Variants in TNRC18 observed in about 807,000 individuals in gnomAD.
The protein encoded by TNRC18 is trinucleotide repeat-containing gene 18 protein.
TNRC18 carries 69 observed loss-of-function variants against 226.7 expected under a neutral mutation model. The ratio of observed to expected loss-of-function variants is 0.30; its 90% CI spans 0.25 to 0.37. The LOEUF (loss-of-function observed/expected upper bound fraction) is 0.37, where lower values mean the gene tolerates loss of function less well. TNRC18 is among the 10% of genes least tolerant of loss of function. The pLI is 1.00. For missense variants in TNRC18, 4,754 were observed against 4,256.6 expected, an observed-to-expected ratio of 1.12 and a Z score of -3.25; for synonymous variants, 2,449 against 1,927.6, an observed-to-expected ratio of 1.27 and a Z score of -7.09.
intron 11 of TNRC18, among the ~76,000 whole-genome samples, chr7:5,365,133 A>G (rs1793488977): frequency 6.6e-6 from 1 of 152,108 alleles, no homozygotes; most frequent in Admixed American, 6.6e-5. Context: ...TGTCTTTTCA[A>G]GATAGGGTCT....
chr7:5,381,525 T>G (rs1779394793), intron 5 of TNRC18, among the ~76,000 whole-genome samples: 1 of 152,114 alleles, frequency 6.6e-6, no homozygotes, highest in Non-Finnish European at 1.5e-5. Context: ...ACACAGCTAT[T>G]CTGCTTATTG....
In TNRC18 at chr7:5,332,697, G is replaced by A. The variant is rs1394461292; in HGVS notation, c.6072C>T (p.Ser2024=). The part of the protein sequence containing the change: ...PVSTAPATKT[S]RCAKGGPLSP... ...TCAGGGGGCCGCCCTTGGCGCAGCG[G>A]CTGGTCTTGGTGGCGGGCGCGGTGC... is the stretch of plus-strand genomic sequence containing the variant. The change falls in exon 19 of 30, where the codon AGC becomes AGT. Residue 2024 remains serine, a synonymous_variant. Transcript: ENST00000430969. The A allele has an allele frequency of 1.3e-6, 2 of 1,530,984 alleles. No homozygotes were observed. Among genetic ancestry groups the A allele is most frequent in the East Asian group, 2.5e-5 (1 of 39,652 alleles). The allele number at this position is 1,530,984 out of a possible 1,614,324, so 94.8% of individuals were successfully genotyped here. A position where few individuals can be genotyped will look rare whatever the true frequency, so the allele number is the denominator to read the frequency against.
chr7:5,374,481 C>A lies in TNRC18; in HGVS notation c.2803G>T (p.Glu935Ter). The A allele has an allele frequency of 6.5e-7, 1 of 1,546,164 alleles. No homozygotes were observed. ...ELQRSAQLVQERLKAQEHRAE... is the reference protein window; with the variant it reads ...ELQRSAQLVQ ...CGGTGCTCCTGCGCCTTCAACCGCT[C>A]CTGCTGGGAAGGGGCCGGCAGGCAG... Residue 935 changes from glutamate to a stop codon, truncating the protein, a stop_gained, in exon 10 of 30, where the codon GAG becomes TAG. Coordinates refer to ENST00000430969, the MANE Select transcript of TNRC18 (RefSeq NM_001080495.3). LOFTEE classifies it high-confidence loss of function.
intron 2 of TNRC18, among the ~76,000 whole-genome samples, chr7:5,397,251 C>T (rs1192945837): frequency 6.6e-6 from 1 of 152,170 alleles, no homozygotes; most frequent in Non-Finnish European, 1.5e-5. Flanking sequence ...CTGTGGCAGG[C>T]GGGTGGGTAG....
At chr7:5,345,517 G>GCCACCCC in intron 18 of TNRC18, 45 bp downstream of exon 18, 11 of 377,744 alleles carry the variant, frequency 2.9e-5, no homozygotes, top group South Asian at 2.6e-4. Context: ...AATGGCGTCC[G>GCCACCCC]CCCCTCCCAC....
At chr7:5,390,308 A>G in intron 4 of TNRC18, 177 bp downstream of exon 4, 2 of 679,156 alleles carry the variant, frequency 2.9e-6, no homozygotes, top group East Asian at 2.8e-5. Flanking sequence ...GCAGTGACCT[A>G]TGATCGCACC....
At chr7:5,404,036 G>C (rs1781293853) in intron 2 of TNRC18, among the ~76,000 whole-genome samples, 1 of 152,170 alleles carries the variant, frequency 6.6e-6, no homozygotes, top group Admixed American at 6.6e-5. Context: ...CCAAAGAATG[G>C]GTTAACACTC....
In TNRC18 at chr7:5,389,054, C is replaced by T. The variant is rs1434217008; in HGVS notation, c.770G>A (p.Arg257His). 1.6e-6 allele frequency: 2 copies of T among 1,287,732 alleles called. No homozygotes were observed. The highest frequency in any genetic ancestry group is 2.0e-6 in the Non-Finnish European group (2 of 1,008,700). 79.8% of individuals were successfully genotyped at this position (1,287,732 alleles called of 1,614,324 possible). A position where few individuals can be genotyped will look rare whatever the true frequency, so the allele number is the denominator to read the frequency against. Reference protein sequence around the residue: ...AEGRQDRGPPRLAERLSPFLA... With the variant: ...AEGRQDRGPPHLAERLSPFLA... ...GAAGGGCGACAGGCGCTCAGCCAGG[C>T]GCGGGGGCCCCCGGTCCTGGCGGCC... is the stretch of plus-strand genomic sequence containing the variant. The change falls in exon 5 of 30, where the codon CGC becomes CAC. Residue 257 changes from arginine to histidine, a missense_variant. Arg to His is a conservative substitution (Grantham distance 29). Coordinates refer to ENST00000430969, the MANE Select transcript of TNRC18 (RefSeq NM_001080495.3).
At chr7:5,325,636 G>A (rs1488819216) in intron 19 of TNRC18, 1 of 201,558 alleles carries the variant, frequency 5.0e-6, no homozygotes, top group East Asian at 1.8e-4. Context: ...GTGTTTGCGA[G>A]GATGGTCTCG....
At position 5,312,974 on chromosome 7, in the gene TNRC18, G is replaced by A. The variant is rs1197732696; in HGVS notation, c.7917C>T (p.Ser2639=). The change falls in exon 27 of 30, where the codon TCC becomes TCT. Residue 2639 remains serine, a synonymous_variant. Coordinates refer to ENST00000430969, the MANE Select transcript of TNRC18 (RefSeq NM_001080495.3). The surrounding 1 kb of genome is among the most constrained non-coding windows in gnomAD (Gnocchi z 6.3). ...AGGAAGACGAAGAGGAAGAGGAGGAGGAGGAAGAGGAGGAGGAGGAAGAGG... is the reference window on the plus strand; with the variant it reads ...AGGAAGACGAAGAGGAAGAGGAGGAAGAGGAAGAGGAGGAGGAGGAAGAGG... ...SSSSSSSSSS[S]SSSSSSSSSS... The A allele has an allele frequency of 8.2e-6, 9 of 1,100,108 alleles. No individual in the cohort carries two copies. Among genetic ancestry groups the A allele is most frequent in the African/African-American group, 6.2e-5 (4 of 64,556 alleles). 68.1% of individuals were successfully genotyped at this position (1,100,108 alleles called of 1,614,324 possible).
Position 5,314,991 on chromosome 7 carries a change from G to T in TNRC18, c.7020C>A (p.Ala2340=), listed in dbSNP as rs558535417. ...RGRGRKPSAK[A]KGDRAATLEE... ...GGGACCAGGCCAACCTACCACCCTT[G>T]GCCTTGGCGCTGGGTTTCCGCCCAC... The change falls in exon 26 of 30, where the codon GCC becomes GCA. Residue 2340 remains alanine (A), a synonymous_variant. Transcript: ENST00000430969. 3.1e-6 allele frequency: 5 copies of T among 1,606,236 alleles called. No individual in the cohort carries two copies. The East Asian group carries it at 1.1e-4, about 36-fold the overall frequency.
intron 15 of TNRC18, 43 bp downstream of exon 15, chr7:5,359,355 C>G (rs752626527): frequency 6.2e-7 from 1 of 1,607,934 alleles, no homozygotes; most frequent in East Asian, 2.2e-5. Context: ...CTCCAGACAC[C>G]TCCCTGAAAG....
intron 2 of TNRC18, among the ~76,000 whole-genome samples, chr7:5,417,866 A>C (rs1037996314): frequency 6.6e-6 from 1 of 152,190 alleles, no homozygotes; most frequent in African/African-American, 2.4e-5. Context: ...TTTCTAAATC[A>C]ATCCCAGTAG....
intron 26 of TNRC18, among the ~76,000 whole-genome samples, chr7:5,314,613 C>T (rs1181330752): frequency 3.5e-5 from 5 of 142,264 alleles, no homozygotes; most frequent in African/African-American, 1.3e-4. Flanking sequence ...GCTCTTGTCG[C>T]CCAGGCTGGA....
At position 5,387,678 on chromosome 7, in the gene TNRC18, C is replaced by G. The variant is rs1193720018; in HGVS notation, c.2146G>C (p.Val716Leu). 1.2e-6 allele frequency: 2 copies of G among 1,603,772 alleles called. No individual in the cohort carries two copies. Among genetic ancestry groups the G allele is most frequent in the Non-Finnish European group, 1.7e-6 (2 of 1,179,832 alleles). The change falls in exon 5 of 30, where the codon GTC becomes CTC. Residue 716 changes from valine (V) to leucine (L), a missense_variant. By Grantham distance (32) the Val-to-Leu change is conservative. Transcript: ENST00000430969. Reference sequence around the variant, plus strand: ...GGCTCTGCCCAGGACCTACCTTTGACGTTACTCAGCGACAGAGAGCGCTCC... The same window carrying G: ...GGCTCTGCCCAGGACCTACCTTTGAGGTTACTCAGCGACAGAGAGCGCTCC... ...DQERSLSLSN[V>L]KGHGRADEDC... is the part of the protein sequence containing the mutation.
At position 5,340,173 on chromosome 7, in the gene TNRC18, G is replaced by A. The variant is rs149877558; in HGVS notation, c.5719+5389C>T. The stretch of plus-strand genomic sequence containing the variant: ...GCCTCTTGTGCCAAACTGCCAGGCT[G>A]TGAATGCAAAGAAAAAGTTCTTGAA... On this transcript the variant is annotated intron_variant, in intron 18 of 29. Coordinates refer to ENST00000430969, the MANE Select transcript of TNRC18 (RefSeq NM_001080495.3). Among the ~76,000 whole-genome samples the A allele has an allele frequency of 3.4e-4, 52 of 152,352 alleles. 2 individuals carry two copies. The highest frequency in any genetic ancestry group is 9.4e-4 in the African/African-American group (39 of 41,594).
intron 18 of TNRC18, among the ~76,000 whole-genome samples, chr7:5,333,885 C>A (rs1174271033): frequency 6.6e-6 from 1 of 152,200 alleles, no homozygotes; most frequent in Non-Finnish European, 1.5e-5. Context: ...CTGTCCATGC[C>A]CAGGTCCCAG....
chr7:5,404,762 C>CTGTGTGTGTGTGTG (rs1562627364), intron 2 of TNRC18, among the ~76,000 whole-genome samples: 9 of 108,980 alleles, frequency 8.3e-5, no homozygotes, highest in African/African-American at 4.2e-4. Context: ...TGCACACTTT[C>CTGTGTGTGTGTGTG]AGTGTGTGTG....
chr7:5,333,800 G>A (rs1054646679), intron 18 of TNRC18, among the ~76,000 whole-genome samples: 1 of 152,150 alleles, frequency 6.6e-6, no homozygotes, highest in African/African-American at 2.4e-5. Context: ...TTCAGAAGGA[G>A]ACCCACCCCA....
Sources: allele counts gnomAD v4.1 joint callset (sites outside exome capture counted in the v4.1 genomes callset), GRCh38; gene constraint gnomAD v4.1.1; non-coding constraint Gnocchi (gnomAD v3.1); transcripts MANE v1.5; gene names NCBI Gene and HGNC (gene_info 2026-07-23, HGNC 2026-07-21).